Variants in CHRM3 observed in about 807,000 individuals in gnomAD.
The protein encoded by CHRM3 is muscarinic acetylcholine receptor M3.
CHRM3 carries 11 observed loss-of-function variants against 41.8 expected under a neutral mutation model. The ratio of observed to expected loss-of-function variants is 0.26; its 90% CI spans 0.17 to 0.44. CHRM3 has a LOEUF of 0.44. CHRM3 is among the 20% of genes least tolerant of loss of function. CHRM3 has a pLI of 1.00. For missense variants in CHRM3, 571 were observed against 745.4 expected (o/e 0.77, Z 2.72); for synonymous variants, 297 against 301.4 (o/e 0.99, Z 0.15).
intron 3 of CHRM3, among the ~76,000 whole-genome samples, chr1:239,596,946 A>C (rs920322408): frequency 6.6e-6 from 1 of 152,308 alleles, no homozygotes; most frequent in African/African-American, 2.4e-5. Flanking sequence ...TGGAAGCAGA[A>C]GAGAGGAAAG....
chr1:239,535,920 C>T (rs1435617168), intron 2 of CHRM3, among the ~76,000 whole-genome samples: 1 of 151,992 alleles, frequency 6.6e-6, no homozygotes, highest in Non-Finnish European at 1.5e-5. Context: ...GAAGGCAGCC[C>T]GGTCTGGAAT....
intron 6 of CHRM3, among the ~76,000 whole-genome samples, chr1:239,867,253 G>C (rs1312803450): frequency 1.3e-5 from 2 of 152,238 alleles, no homozygotes; most frequent in Admixed American, 1.3e-4. Context: ...TGAAGATTGT[G>C]CTGAGGACGG....
intron 1 of CHRM3, among the ~76,000 whole-genome samples, chr1:239,416,915 C>T (rs1661544706): frequency 6.6e-6 from 1 of 152,122 alleles, no homozygotes; most frequent in South Asian, 2.1e-4. Flanking sequence ...TAGGGAGGAA[C>T]ATGATAGCAA....
chr1:239,500,225 C>T (rs1423089634), intron 2 of CHRM3, among the ~76,000 whole-genome samples: 1 of 152,000 alleles, frequency 6.6e-6, no homozygotes, highest in Non-Finnish European at 1.5e-5. Context: ...CACAAATGTC[C>T]AAGAATGATA....
Position 239,842,883 on chromosome 1 carries a change from G to C in CHRM3, c.-20+15505G>C, listed in dbSNP as rs114679134. 6.8e-3 allele frequency among the ~76,000 whole-genome samples: 1,031 copies of C among 152,238 alleles called. 4 individuals carry two copies. Among genetic ancestry groups the C allele is most frequent in the Admixed American group, 1.0e-2 (153 of 15,302 alleles). ...CGGGATTCAGATCTTCAGCATTCCT[G>C]TGCCTAGATCACCAGGGTCCTACAT... On this transcript the variant is annotated intron_variant, in intron 6 of 6. Coordinates refer to ENST00000676153, the MANE Select transcript of CHRM3 (RefSeq NM_001375978.1).
intron 5 of CHRM3, among the ~76,000 whole-genome samples, chr1:239,687,456 C>A (rs946321678): frequency 4.6e-5 from 7 of 152,110 alleles, no homozygotes; most frequent in African/African-American, 1.7e-4. Flanking sequence ...CTTAGAAATA[C>A]TAAAATTAAT....
intron 1 of CHRM3, among the ~76,000 whole-genome samples, chr1:239,427,507 T>C (rs1295916983): frequency 3.3e-5 from 5 of 152,058 alleles, no homozygotes; most frequent in African/African-American, 1.2e-4. Flanking sequence ...CTGGGGAATA[T>C]ACATGCTGAC....
At chr1:239,694,040 C>T (rs552223134) in intron 5 of CHRM3, among the ~76,000 whole-genome samples, 153 of 152,046 alleles carry the variant, frequency 1.0e-3, no homozygotes, top group African/African-American at 3.5e-3. Context: ...ATTGGGGTGC[C>T]GTGAGCATTA....
chr1:239,606,520 C>T (rs1054749347), intron 3 of CHRM3, among the ~76,000 whole-genome samples: 1 of 152,148 alleles, frequency 6.6e-6, no homozygotes, highest in Non-Finnish European at 1.5e-5. Flanking sequence ...GGGATCTGCC[C>T]GCCTTGGCCT....
At chr1:239,618,895 C>T (rs927406054) in intron 3 of CHRM3, among the ~76,000 whole-genome samples, 1 of 135,288 alleles carries the variant, frequency 7.4e-6, no homozygotes, top group African/African-American at 2.9e-5. Context: ...TATTTCCTCT[C>T]TCTTTTTTAT....
chr1:239,633,053 A>C (rs941206702), intron 4 of CHRM3, among the ~76,000 whole-genome samples: 1 of 152,212 alleles, frequency 6.6e-6, no homozygotes, highest in African/African-American at 2.4e-5. Flanking sequence ...GCTCACTGCA[A>C]GCTCCGCCTC....
At chr1:239,593,703 G>A (rs1258586899) in intron 3 of CHRM3, among the ~76,000 whole-genome samples, 1 of 152,154 alleles carries the variant, frequency 6.6e-6, no homozygotes, top group East Asian at 1.9e-4. Context: ...TCCACTGATA[G>A]AGATCTTCAT....
intron 3 of CHRM3, among the ~76,000 whole-genome samples, chr1:239,552,471 G>C (rs1206252197): frequency 1.4e-5 from 2 of 146,026 alleles, no homozygotes; most frequent in African/African-American, 5.0e-5. Context: ...TATATGTATA[G>C]ATGATATATA....
chr1:239,720,709 C>T (rs533854420), intron 5 of CHRM3, among the ~76,000 whole-genome samples: 2 of 151,960 alleles, frequency 1.3e-5, no homozygotes, highest in South Asian at 4.2e-4. Context: ...CACGAATAAG[C>T]ATGATTTAAC....
At chr1:239,741,165 C>A (rs1251544073) in intron 5 of CHRM3, among the ~76,000 whole-genome samples, 1 of 152,018 alleles carries the variant, frequency 6.6e-6, no homozygotes, top group Non-Finnish European at 1.5e-5. Context: ...ACATGGGAAC[C>A]TTCAGAAGAG....
intron 4 of CHRM3, among the ~76,000 whole-genome samples, chr1:239,648,833 G>A (rs1379100317): frequency 6.6e-6 from 1 of 152,136 alleles, no homozygotes; most frequent in Non-Finnish European, 1.5e-5. Context: ...AACAGATTGA[G>A]ATGTTCGGTC....
chr1:239,691,420 AAAAG>A (rs532974721), intron 5 of CHRM3, among the ~76,000 whole-genome samples: 190 of 152,274 alleles, frequency 1.2e-3, no homozygotes, highest in South Asian at 3.7e-3. Context: ...CTACAAAAAA[AAAAG>A]AAAGAAAATA....
chr1:239,649,820 A>G (rs1234002246), intron 4 of CHRM3, among the ~76,000 whole-genome samples: 1 of 152,204 alleles, frequency 6.6e-6, no homozygotes, highest in Non-Finnish European at 1.5e-5. Flanking sequence ...GGGTGAAGAG[A>G]TAAGGATAAT....
At chr1:239,484,264 G>A (rs1667047440) in intron 1 of CHRM3, among the ~76,000 whole-genome samples, 1 of 152,166 alleles carries the variant, frequency 6.6e-6, no homozygotes, top group Admixed American at 6.5e-5. Flanking sequence ...GCGAGAGCAG[G>A]CATACCACTT....
Sources: gnomAD v4.1 joint callset for allele counts (sites outside exome capture counted in the v4.1 genomes callset) on GRCh38, gnomAD v4.1.1 for gene constraint, MANE v1.5 for transcripts, NCBI Gene and HGNC (gene_info 2026-07-23, HGNC 2026-07-21) for gene names.